SLC28A1: variants seen among roughly 807,000 people sequenced by gnomAD.
The protein encoded by SLC28A1 is sodium/nucleoside cotransporter 1.
In SLC28A1, 64 loss-of-function variants were observed where a neutral mutation model predicts 74.8. The observed-to-expected ratio is 0.86, with a 90% CI of 0.70 to 1.05. The LOEUF (loss-of-function observed/expected upper bound fraction) is 1.05. SLC28A1 is among the 50% of genes least tolerant of loss of function. The pLI, the probability that SLC28A1 is intolerant of heterozygous loss-of-function variation, is 0.00. For synonymous variants in SLC28A1, 359 were observed against 335.0 expected (o/e 1.07, Z -0.78); for missense variants, 828 against 822.8 (o/e 1.01, Z -0.08).
At chr15:84,926,105 A>T (rs1289304838) in intron 12 of SLC28A1, among the ~76,000 whole-genome samples, 2 of 147,498 alleles carry the variant, frequency 1.4e-5, no homozygotes, top group East Asian at 2.0e-4. Context: ...ATCACTTTTA[A>T]TTTTTTTATT....
chr15:84,923,412 T>G (rs1970090650), intron 11 of SLC28A1, among the ~76,000 whole-genome samples: 1 of 152,068 alleles, frequency 6.6e-6, no homozygotes, highest in Non-Finnish European at 1.5e-5. Flanking sequence ...CTTTATCCTG[T>G]CGACGCCATG....
chr15:84,888,405 C>T (rs563723591), intron 3 of SLC28A1, among the ~76,000 whole-genome samples: 2 of 143,276 alleles, frequency 1.4e-5, no homozygotes, highest in African/African-American at 5.0e-5. Context: ...ACCCACCCCC[C>T]ACCCAAAACA....
chr15:84,943,366 C>T (rs1972932183), intron 15 of SLC28A1, 79 bp from the exon 16 acceptor site: 1 of 993,378 alleles, frequency 1.0e-6, no homozygotes, highest in Non-Finnish European at 1.6e-6. Context: ...AAAATTAAGG[C>T]CAGGGAGCCT....
intron 5 of SLC28A1, among the ~76,000 whole-genome samples, chr15:84,892,307 G>C (rs1243333281): frequency 1.3e-5 from 2 of 152,158 alleles, no homozygotes; most frequent in African/African-American, 4.8e-5. Flanking sequence ...GCAATGACCT[G>C]GTCTGCTTGG....
chr15:84,953,954 G>A, the SLC28A1 span, among the ~76,000 whole-genome samples: 57 of 152,214 alleles, frequency 3.7e-4, no homozygotes, highest in African/African-American at 1.3e-3. Flanking sequence ...ATGACTCTAG[G>A]GCTCTGCCTA....
intron 1 of SLC28A1, among the ~76,000 whole-genome samples, chr15:84,885,248 C>T (rs573318410): frequency 3.2e-4 from 48 of 150,592 alleles, no homozygotes; most frequent in African/African-American, 1.1e-3. Flanking sequence ...CATGAGCCAC[C>T]GTGCCCCCCC....
chr15:84,885,001 G>A (rs1187264793), intron 1 of SLC28A1, among the ~76,000 whole-genome samples: 1 of 152,052 alleles, frequency 6.6e-6, no homozygotes, highest in Non-Finnish European at 1.5e-5. Flanking sequence ...CTCTGTTGCC[G>A]AGGCTGGAGT....
chr15:84,895,892 G>A (rs921554442), intron 6 of SLC28A1: 1 of 1,016,506 alleles, frequency 9.8e-7, no homozygotes, highest in South Asian at 4.0e-5. Flanking sequence ...GGGGTACAGG[G>A]GTGCCTCTCA....
In SLC28A1 at chr15:84,888,255, G is replaced by C. The variant is rs915441376; in HGVS notation, c.96+399G>C. 8.5e-5 allele frequency among the ~76,000 whole-genome samples: 13 copies of C among 152,076 alleles called. 1 individual carries two copies. In the East Asian group the frequency reaches 2.5e-3, roughly 29 times the overall value. ...CCTTGTCCTTGCTTTCAAGTGGCCA[G>C]GTCAGGTCGAGGCACACCACCCAGA... On this transcript the variant is annotated intron_variant, in intron 3 of 18. Coordinates refer to ENST00000394573, the MANE Select transcript of SLC28A1 (RefSeq NM_004213.5).
intron 10 of SLC28A1, 67 bp downstream of exon 10, chr15:84,918,671 C>G: frequency 1.7e-6 from 2 of 1,207,006 alleles, no homozygotes; most frequent in Non-Finnish European, 2.5e-6. Flanking sequence ...CACACTGTCC[C>G]AGAATGCCTT....
chr15:84,949,565 A>ATT (rs11318236), downstream of SLC28A1, among the ~76,000 whole-genome samples: 21 of 103,836 alleles, frequency 2.0e-4, 1 homozygote, highest in African/African-American at 6.9e-4. Context: ...TGCCCGGCTA[A>ATT]TTTTTTTTTT....
chr15:84,895,555 G>A lies in SLC28A1; in HGVS notation c.461+432G>A, dbSNP rs1033322958. On this transcript the variant is annotated intron_variant, in intron 6 of 18. Coordinates refer to ENST00000394573, the MANE Select transcript of SLC28A1 (RefSeq NM_004213.5). ...AGGGGATTCTGATGTAGCCAGCAGCGTCCTTGGACAACAGTTTGAGATCTG... is the reference window on the plus strand; with the variant it reads ...AGGGGATTCTGATGTAGCCAGCAGCATCCTTGGACAACAGTTTGAGATCTG... 24 of 1,540,978 alleles carry A rather than the reference G, an allele frequency of 1.6e-5. No individual in the cohort carries two copies. In the African/African-American group the frequency reaches 1.7e-4, roughly 11 times the overall value.
chr15:84,918,101 G>T (rs549213947), intron 9 of SLC28A1, among the ~76,000 whole-genome samples: 1 of 152,186 alleles, frequency 6.6e-6, no homozygotes, highest in South Asian at 2.1e-4. Context: ...GGAGGTTAAG[G>T]CCAGAGTCTG....
intron 9 of SLC28A1, among the ~76,000 whole-genome samples, chr15:84,915,929 CTGT>C (rs71466061): frequency 0.41 from 60,827 of 148,904 alleles, 13,376 homozygotes; most frequent in Middle Eastern, 0.58. Flanking sequence ...CCACCTCAAC[CTGT>C]TGTTGTTGTT....
chr15:84,890,661 G>C (rs1040312492), intron 5 of SLC28A1, 127 bp downstream of exon 5: 12 of 787,206 alleles, frequency 1.5e-5, no homozygotes, highest in South Asian at 8.8e-5. Flanking sequence ...CTCAGGTCCA[G>C]CTCCCTTGCT....
rs1971740120 is a variant in SLC28A1 at position 84,935,211 on chromosome 15, C to A, written c.1383+17C>A. ...AGCTTCCAGGTGCGTTTCTGGCCAC[C>A]ACACTCAGTCTGTAGAGAGGATGGC... On this transcript the variant is annotated intron_variant, in intron 14 of 18. Coordinates refer to ENST00000394573, the MANE Select transcript of SLC28A1 (RefSeq NM_004213.5). The A allele has an allele frequency of 1.2e-6, 2 of 1,613,836 alleles. No homozygotes were observed. Among genetic ancestry groups the A allele is most frequent in the African/African-American group, 2.7e-5 (2 of 75,028 alleles).
In SLC28A1 at chr15:84,895,289, T is replaced by C. The variant is rs114782481; in HGVS notation, c.461+166T>C. 2.0e-3 allele frequency: 3,104 copies of C among 1,584,734 alleles called. 67 individuals are homozygous for C. In the African/African-American group the frequency reaches 0.037, roughly 19 times the overall value. ...GTGGGTGGCTTCAAACAAAGCAGCA[T>C]CTTTGTGGTGTTTCACCAGTTCTTA... is the stretch of plus-strand genomic sequence containing the variant. On this transcript the variant is annotated intron_variant, in intron 6 of 18. Transcript: ENST00000394573.
chr15:84,961,529 C>T, the SLC28A1 span: 24 of 453,826 alleles, frequency 5.3e-5, no homozygotes, highest in Admixed American at 2.1e-4. Context: ...TTTGTAGAGA[C>T]GAGGTCTTGC....
chr15:84,915,181 G>A (rs909540589), intron 9 of SLC28A1, among the ~76,000 whole-genome samples: 11 of 152,144 alleles, frequency 7.2e-5, no homozygotes, highest in African/African-American at 2.2e-4. Context: ...AGCCCCAGGC[G>A]GGAGGAGGAG....
Sources: gnomAD v4.1 joint callset for allele counts (sites outside exome capture counted in the v4.1 genomes callset) on GRCh38, gnomAD v4.1.1 for gene constraint, MANE v1.5 for transcripts, NCBI Gene and HGNC (gene_info 2026-07-23, HGNC 2026-07-21) for gene names.